The following TRAPPC8 variants were observed in gnomAD, a reference collection of about 807,000 sequenced individuals.
TRAPPC8 encodes the protein general sporulation gene 1 homolog.
Under a neutral mutation model 174.3 loss-of-function variants are expected in TRAPPC8, and 54 were observed. The ratio of observed to expected loss-of-function variants is 0.31; its 90% CI spans 0.25 to 0.39. The LOEUF is 0.39. TRAPPC8 is among the 10% of genes least tolerant of loss of function. TRAPPC8 has a pLI of 1.00. For missense variants in TRAPPC8, 1,531 were observed against 1,699.1 expected (o/e 0.90, Z 1.74); for synonymous variants, 630 against 579.9 (o/e 1.09, Z -1.24).
At chr18:31,897,953 T>C in intron 10 of TRAPPC8, 62 bp from the exon 11 acceptor site, 2 of 1,398,624 alleles carry the variant, frequency 1.4e-6, no homozygotes, top group African/African-American at 1.4e-5. Flanking sequence ...TCAAAGTAAA[T>C]GTGTTCAGCA....
intron 1 of TRAPPC8, among the ~76,000 whole-genome samples, chr18:31,940,452 C>T (rs2038282981): frequency 6.6e-6 from 1 of 152,154 alleles, no homozygotes; most frequent in Admixed American, 6.6e-5. Flanking sequence ...GGCAACAGGG[C>T]AAGACTCCAT....
chr18:31,908,518 T>C (rs2036762581), intron 7 of TRAPPC8, 100 bp from the exon 8 acceptor site: 3 of 935,420 alleles, frequency 3.2e-6, no homozygotes, highest in Admixed American at 6.8e-5. Context: ...CAAATGTTCA[T>C]TTTAATAAAA....
intron 2 of TRAPPC8, among the ~76,000 whole-genome samples, chr18:31,923,581 T>C (rs758254197): frequency 6.6e-6 from 1 of 152,204 alleles, no homozygotes; most frequent in African/African-American, 2.4e-5. Context: ...TAATACCTTA[T>C]TAAAATGGAT....
At chr18:31,885,020 A>AT (rs11409206) in intron 12 of TRAPPC8, among the ~76,000 whole-genome samples, 5,399 of 148,688 alleles carry the variant, frequency 0.036, 319 homozygotes, top group African/African-American at 0.12. Context: ...CGCCCGGCTA[A>AT]TTTTTTTTTT....
chr18:31,846,159 A>G (rs950617755), intron 26 of TRAPPC8, among the ~76,000 whole-genome samples: 1 of 152,200 alleles, frequency 6.6e-6, no homozygotes, highest in Non-Finnish European at 1.5e-5. Context: ...GAAACCCCAA[A>G]AACCATAACT....
At chr18:31,842,138 T>C (rs969948992) in intron 26 of TRAPPC8, among the ~76,000 whole-genome samples, 6 of 152,232 alleles carry the variant, frequency 3.9e-5, no homozygotes, top group African/African-American at 1.4e-4. Context: ...ATGGGCTACT[T>C]GCCAGCTTTT....
In TRAPPC8 at chr18:31,890,842, G is replaced by C. The variant is rs1418956928; in HGVS notation, c.1621C>G (p.Leu541Val). Residue 541 changes from leucine (L) to valine (V), a missense_variant, in exon 12 of 29, where the codon CTT becomes GTT. Coordinates refer to ENST00000283351, the MANE Select transcript of TRAPPC8 (RefSeq NM_014939.5). ...SEDSDLRSAL[L>V]LEQAAHCFIN... Reference sequence around the variant, plus strand: ...AAGCAATGTGCTGCCTGTTCCAAAAGAAGTGCACTTCGAAGATCAGAATCC... The same window carrying C: ...AAGCAATGTGCTGCCTGTTCCAAAACAAGTGCACTTCGAAGATCAGAATCC... The C allele has an allele frequency of 3.7e-6, 6 of 1,610,714 alleles. No individual in the cohort carries two copies. The highest frequency in any genetic ancestry group is 1.7e-4 in the Middle Eastern group (1 of 6,048).
chr18:31,940,251 C>T (rs74528798), intron 1 of TRAPPC8, among the ~76,000 whole-genome samples: 11,855 of 151,932 alleles, frequency 0.078, 753 homozygotes, highest in East Asian at 0.33. Flanking sequence ...CGGAGGCGGG[C>T]GGACCACGAG....
intron 26 of TRAPPC8, among the ~76,000 whole-genome samples, chr18:31,845,684 C>T (rs181028057): frequency 7.8e-4 from 118 of 152,102 alleles, no homozygotes; most frequent in African/African-American, 2.8e-3. Flanking sequence ...GAGTCTTTTA[C>T]ACTATTCTTG....
At chr18:31,870,729 A>G (rs536923783) in intron 15 of TRAPPC8, among the ~76,000 whole-genome samples, 197 bp downstream of exon 15, 39 of 152,292 alleles carry the variant, frequency 2.6e-4, no homozygotes, top group African/African-American at 9.4e-4. Flanking sequence ...TCCCTCTTGT[A>G]TATTCCAACA....
At chr18:31,853,421 C>T (rs1305298949) in intron 22 of TRAPPC8, among the ~76,000 whole-genome samples, 1 of 152,144 alleles carries the variant, frequency 6.6e-6, no homozygotes, top group Non-Finnish European at 1.5e-5. Flanking sequence ...GCGCCTGCCA[C>T]CACGCCCAGC....
intron 26 of TRAPPC8, 66 bp from the exon 27 acceptor site, chr18:31,839,523 T>C: frequency 1.5e-6 from 2 of 1,316,614 alleles, no homozygotes; most frequent in Non-Finnish European, 1.0e-6. Context: ...AAAAAAAGCA[T>C]AGTGTATATA....
At chr18:31,864,511 A>T in intron 19 of TRAPPC8, 116 bp downstream of exon 19, 1 of 954,738 alleles carries the variant, frequency 1.0e-6, no homozygotes, top group Non-Finnish European at 1.5e-6. Flanking sequence ...GCTTAATAAT[A>T]ATTTAAAAGT....
At chr18:31,870,274 A>G in intron 16 of TRAPPC8, 98 bp downstream of exon 16, 1 of 1,102,188 alleles carries the variant, frequency 9.1e-7, no homozygotes, top group Non-Finnish European at 1.2e-6. Flanking sequence ...TAAACCAAAA[A>G]GAAGTATAGC....
chr18:31,879,064 T>C (rs1432731758), intron 12 of TRAPPC8, among the ~76,000 whole-genome samples: 1 of 152,102 alleles, frequency 6.6e-6, no homozygotes, highest in East Asian at 1.9e-4. Flanking sequence ...ACTAGACAGA[T>C]CATCGAGGAA....
chr18:31,874,997 G>A (rs1261454310), intron 12 of TRAPPC8, among the ~76,000 whole-genome samples: 1 of 152,162 alleles, frequency 6.6e-6, no homozygotes, highest in African/African-American at 2.4e-5. Context: ...ACTTCTCTGA[G>A]CCACAATTTC....
intron 11 of TRAPPC8, among the ~76,000 whole-genome samples, chr18:31,891,585 A>T (rs2145362974): frequency 6.6e-6 from 1 of 152,308 alleles, no homozygotes; most frequent in South Asian, 2.1e-4. Flanking sequence ...TTTGACTGAA[A>T]GAGTCATCAC....
chr18:31,851,388 G>C (rs1222129908), intron 24 of TRAPPC8, among the ~76,000 whole-genome samples: 1 of 152,132 alleles, frequency 6.6e-6, no homozygotes, highest in African/African-American at 2.4e-5. Flanking sequence ...CTAGGAGCTT[G>C]TAACAATTTA....
intron 12 of TRAPPC8, among the ~76,000 whole-genome samples, chr18:31,884,554 C>A (rs973823155): frequency 6.6e-6 from 1 of 152,196 alleles, no homozygotes; most frequent in Non-Finnish European, 1.5e-5. Context: ...CACTGCCACT[C>A]TCTGAACTCA....
Sources: gnomAD v4.1 joint callset for allele counts (sites outside exome capture counted in the v4.1 genomes callset) on GRCh38, gnomAD v4.1.1 for gene constraint, MANE v1.5 for transcripts, NCBI Gene and HGNC (gene_info 2026-07-23, HGNC 2026-07-21) for gene names.